Variants in THSD7B observed in about 807,000 individuals in gnomAD.
THSD7B encodes the protein thrombospondin type 1 domain containing 7B, also known as thrombospondin type-1 domain-containing protein 7B.
In THSD7B, 138 loss-of-function variants were observed where a neutral mutation model predicts 213.6. That is an observed-to-expected ratio of 0.65 (90% confidence interval 0.56 to 0.74). The LOEUF is 0.74. THSD7B is among the 30% of genes least tolerant of loss of function. THSD7B has a pLI of 0.00. For missense variants in THSD7B, 1,931 were observed against 1,991.5 expected, an observed-to-expected ratio of 0.97 and a Z score of 0.58; for synonymous variants, 742 against 687.0, an observed-to-expected ratio of 1.08 and a Z score of -1.25.
At chr2:136,887,635 CTGAT>C (rs1683742295) in intron 2 of THSD7B, among the ~76,000 whole-genome samples, 1 of 152,064 alleles carries the variant, frequency 6.6e-6, no homozygotes, top group South Asian at 2.1e-4. Context: ...GCCTTCCTCT[CTGAT>C]TGTAAGCTTC....
At chr2:137,432,251 C>T (rs564290173) in intron 14 of THSD7B, among the ~76,000 whole-genome samples, 1 of 152,162 alleles carries the variant, frequency 6.6e-6, no homozygotes, top group East Asian at 1.9e-4. Context: ...ATTAGCTGGG[C>T]GTGGCAGTGT....
intron 7 of THSD7B, among the ~76,000 whole-genome samples, chr2:137,225,187 T>C (rs1427901256): frequency 3.3e-5 from 5 of 152,234 alleles, no homozygotes; most frequent in African/African-American, 4.8e-5. Flanking sequence ...CTTGAGTCTT[T>C]ACTTATGTGG....
At chr2:137,325,307 C>T (rs1684345816) in intron 12 of THSD7B, among the ~76,000 whole-genome samples, 1 of 152,184 alleles carries the variant, frequency 6.6e-6, no homozygotes, top group Non-Finnish European at 1.5e-5. Context: ...ACTTACTTTT[C>T]AGCCATGGCT....
Position 137,052,671 on chromosome 2 carries a change from A to T in THSD7B, c.140-3749A>T, listed in dbSNP as rs1687090375. 2.0e-5 allele frequency among the ~76,000 whole-genome samples: 3 copies of T among 152,096 alleles called. No individual in the cohort carries two copies. The South Asian group carries it at 6.2e-4, about 31-fold the overall frequency. On this transcript the variant is annotated intron_variant, in intron 2 of 27. Coordinates refer to ENST00000409968, the MANE Select transcript of THSD7B (RefSeq NM_001316349.2). ...TTTTATTTGTGAACTTGGACAAGAG[A>T]TGTAAGATTTCTCAAACTGCCAGTC...
intron 2 of THSD7B, among the ~76,000 whole-genome samples, chr2:136,916,395 C>T (rs987268040): frequency 2.1e-4 from 32 of 152,166 alleles, no homozygotes; most frequent in African/African-American, 7.7e-4. Flanking sequence ...GGAGTGCCTG[C>T]CAGGCCAGGC....
rs561647234 is a variant in THSD7B at position 137,270,002 on chromosome 2, G to A, written c.2267-2531G>A. On this transcript the variant is annotated intron_variant, in intron 10 of 27. Transcript: ENST00000409968. The stretch of plus-strand genomic sequence containing the variant: ...TGAGAAGTGTTAGGGTAGACTAACA[G>A]GGTATGATGGTTTAGGACCTGGGCT... Among the ~76,000 whole-genome samples, 9 of 152,304 alleles carry A rather than the reference G, an allele frequency of 5.9e-5. No individual in the cohort carries two copies. The South Asian group carries it at 1.9e-3, about 32-fold the overall frequency.
intron 6 of THSD7B, among the ~76,000 whole-genome samples, chr2:137,162,688 C>T (rs1291033115): frequency 6.6e-6 from 1 of 151,916 alleles, no homozygotes; most frequent in East Asian, 1.9e-4. Context: ...CTTTCTTTTT[C>T]TTTCCTTTCT....
Position 137,358,376 on chromosome 2 carries a change from T to C in THSD7B, c.2501-47237T>C, listed in dbSNP as rs80354397. Among the ~76,000 whole-genome samples, 1,462 of 152,340 alleles carry C rather than the reference T, an allele frequency of 9.6e-3. 31 individuals carry two copies. The highest frequency in any genetic ancestry group is 0.033 in the African/African-American group (1,357 of 41,578). Reference sequence around the variant, plus strand: ...GTAACAGCATCCGTAAGAGCATTTTTGGTCATGATTATGGACTGATTTAAT... The same window carrying C: ...GTAACAGCATCCGTAAGAGCATTTTCGGTCATGATTATGGACTGATTTAAT... On this transcript the variant is annotated intron_variant, in intron 12 of 27. Transcript: ENST00000409968.
At chr2:137,144,716 A>G (rs1457517117) in intron 5 of THSD7B, among the ~76,000 whole-genome samples, 2 of 152,022 alleles carry the variant, frequency 1.3e-5, no homozygotes, top group East Asian at 3.9e-4. Context: ...TTTGCAACCT[A>G]ATTGGGAAGG....
chr2:137,055,690 C>G (rs1296650561), intron 2 of THSD7B, among the ~76,000 whole-genome samples: 2 of 152,158 alleles, frequency 1.3e-5, no homozygotes, highest in Non-Finnish European at 2.9e-5. Flanking sequence ...TGGATCAGTA[C>G]CCATCAGAAA....
chr2:136,986,266 G>A lies in THSD7B; in HGVS notation c.140-70154G>A, dbSNP rs373885097. Among the ~76,000 whole-genome samples the A allele has an allele frequency of 1.6e-4, 25 of 152,252 alleles. No individual in the cohort carries two copies. The East Asian group carries it at 2.3e-3, about 14-fold the overall frequency. ...ACATTAGATTTGGGCAGCCAGGGAT[G>A]GAATGATATGATTTGGATGTTTGTC... On this transcript the variant is annotated intron_variant, in intron 2 of 27. Transcript: ENST00000409968.
chr2:137,181,328 G>C (rs745719672), intron 7 of THSD7B, among the ~76,000 whole-genome samples: 1 of 152,142 alleles, frequency 6.6e-6, no homozygotes. Flanking sequence ...ACCATATTGA[G>C]ATGAGTAAGT....
intron 3 of THSD7B, among the ~76,000 whole-genome samples, chr2:137,064,212 G>C (rs779745709): frequency 6.6e-6 from 1 of 152,028 alleles, no homozygotes; most frequent in Non-Finnish European, 1.5e-5. Context: ...ACTGGGATGA[G>C]ATGATATCTC....
chr2:137,653,475 T>G (rs183624297), intron 21 of THSD7B, among the ~76,000 whole-genome samples: 1 of 152,074 alleles, frequency 6.6e-6, no homozygotes, highest in Non-Finnish European at 1.5e-5. Flanking sequence ...CATTCCCAAG[T>G]TTTGGAAAGT....
intron 3 of THSD7B, among the ~76,000 whole-genome samples, chr2:137,060,821 T>G (rs1678770017): frequency 6.6e-6 from 1 of 151,896 alleles, no homozygotes; most frequent in African/African-American, 2.4e-5. Flanking sequence ...TTCCTATGTG[T>G]TGTCTGCAGT....
At chr2:137,392,689 T>G (rs1172189825) in intron 12 of THSD7B, among the ~76,000 whole-genome samples, 2 of 152,150 alleles carry the variant, frequency 1.3e-5, no homozygotes, top group African/African-American at 4.8e-5. Context: ...CATCTTTTCT[T>G]TTTCTCATTC....
intron 17 of THSD7B, among the ~76,000 whole-genome samples, chr2:137,589,242 CTTAT>C (rs1191503539): frequency 1.3e-5 from 2 of 151,938 alleles, no homozygotes; most frequent in African/African-American, 4.8e-5. Flanking sequence ...TAAAAAAATA[CTTAT>C]TTAAGTTTTT....
rs754932566 is a variant in THSD7B at position 137,252,911 on chromosome 2, CTTTTT to C, written c.2266+10360_2266+10364del. ...GCATGTTTCCAATAGAAAAGGCTTG[CTTTTT>C]TTTTTTTTTTTTTTTTTTTTACTTC... On this transcript the variant is annotated intron_variant, in intron 10 of 27. Transcript: ENST00000409968. Among the ~76,000 whole-genome samples, 707 of 80,684 alleles carry C rather than the reference CTTTTT, an allele frequency of 8.8e-3. 5 individuals are homozygous for C. The highest frequency in any genetic ancestry group is 0.03 in the African/African-American group (640 of 21,170). 52.9% of individuals were successfully genotyped at this position (80,684 alleles called of 152,430 possible).
At chr2:137,523,466 A>T (rs1186237190) in intron 15 of THSD7B, among the ~76,000 whole-genome samples, 1 of 152,204 alleles carries the variant, frequency 6.6e-6, no homozygotes, top group Non-Finnish European at 1.5e-5. Flanking sequence ...AAAGGAAGGG[A>T]ACTGGAAGAA....
Sources: allele counts gnomAD v4.1 joint callset (sites outside exome capture counted in the v4.1 genomes callset), GRCh38; gene constraint gnomAD v4.1.1; transcripts MANE v1.5; gene names NCBI Gene and HGNC (gene_info 2026-07-23, HGNC 2026-07-21).